The following SHE variants were observed in gnomAD, a reference collection of about 807,000 sequenced individuals.
SHE encodes Src homology 2 domain containing E.
In SHE, 11 loss-of-function variants were observed where a neutral mutation model predicts 49.8. The observed-to-expected ratio is 0.22, with a 90% CI of 0.14 to 0.37. The LOEUF is 0.37. Among genes scored for constraint, SHE ranks in the 10% least tolerant of loss-of-function variants. The pLI is 1.00. For synonymous variants in SHE, 310 were observed against 278.1 expected, an observed-to-expected ratio of 1.11 and a Z score of -1.14; for missense variants, 624 against 655.5, an observed-to-expected ratio of 0.95 and a Z score of 0.52.
chr1:154,482,896 G>T lies in SHE; in HGVS notation c.*1253C>A. ...CCCAGTTCATATAATCAGATCTTAG[G>T]GTTGCATTTTTAAAAAATTTACTAC... On this transcript the variant is annotated 3_prime_UTR_variant, in exon 6 of 6. Transcript: ENST00000304760. 1 of 985,022 alleles carries T rather than the reference G, an allele frequency of 1.0e-6. No individual in the cohort carries two copies. The highest frequency in any genetic ancestry group is 4.7e-5 in the South Asian group (1 of 21,272). The allele number at this position is 985,022 out of a possible 1,614,324, so 61.0% of individuals were successfully genotyped here. A position where few individuals can be genotyped will look rare whatever the true frequency, so the allele number is the denominator to read the frequency against.
chr1:154,470,668 C>T (rs1261618788), intron 1 of SHE, among the ~76,000 whole-genome samples: 2 of 151,924 alleles, frequency 1.3e-5, no homozygotes, highest in East Asian at 1.9e-4. Flanking sequence ...GGCAAAACCC[C>T]GTCTCTACTA....
chr1:154,475,758 G>T (rs1275007854), downstream of SHE, among the ~76,000 whole-genome samples: 1 of 152,112 alleles, frequency 6.6e-6, no homozygotes, highest in Non-Finnish European at 1.5e-5. Flanking sequence ...GCTGGGTGAT[G>T]GGACAGGGTG....
At chr1:154,474,066 C>T (rs1691817707) in intron 1 of SHE, among the ~76,000 whole-genome samples, 1 of 152,248 alleles carries the variant, frequency 6.6e-6, no homozygotes, top group African/African-American at 2.4e-5. Context: ...CGGCCCCCAG[C>T]CACTGGTGAC....
At chr1:154,478,918 A>C (rs1206926416), downstream of SHE, among the ~76,000 whole-genome samples, 2 of 152,160 alleles carry the variant, frequency 1.3e-5, no homozygotes, top group African/African-American at 4.8e-5. Context: ...CCATGTTAGG[A>C]ATTTTGGAGG....
chr1:154,470,052 C>T (rs1691705243), exon 2 of SHE: 1 of 331,852 alleles, frequency 3.0e-6, no homozygotes, highest in Admixed American at 4.0e-5. Flanking sequence ...CAAAGCTGGA[C>T]TGAGAGGCGC....
chr1:154,481,895 G>A lies in SHE; in HGVS notation c.*2254C>T, dbSNP rs1692027895. On this transcript the variant is annotated 3_prime_UTR_variant, in exon 6 of 6. Transcript: ENST00000304760. ...GACAGGGTCTCACTCTGTCACTCAG[G>A]CTGGAGTGCAATGGTGCGATCATGG... 1.4e-6 allele frequency: 1 copy of A among 712,868 alleles called. No individual in the cohort carries two copies. Among genetic ancestry groups the A allele is most frequent in the African/African-American group, 1.9e-5 (1 of 51,842 alleles). 44.2% of individuals were successfully genotyped at this position (712,868 alleles called of 1,614,324 possible).
chr1:154,473,272 T>C (rs1378221376), intron 1 of SHE, among the ~76,000 whole-genome samples: 1 of 151,924 alleles, frequency 6.6e-6, no homozygotes, highest in Non-Finnish European at 1.5e-5. Context: ...AGTGCTGGGA[T>C]TACAGGTGTG....
In SHE at chr1:154,502,140, G is replaced by C. The variant is rs935771331; in HGVS notation, c.-114C>G. The C allele has an allele frequency of 4.7e-6, 4 of 854,180 alleles. No individual in the cohort carries two copies. Among genetic ancestry groups the C allele is most frequent in the Non-Finnish European group, 4.5e-6 (3 of 659,576 alleles). 52.9% of individuals were successfully genotyped at this position (854,180 alleles called of 1,614,324 possible). ...GGGTGGGGTTCTCACGGCTCGGGGC[G>C]CCGAGCGGGCGGGCGCTAGCCTCTG... On this transcript the variant is annotated 5_prime_UTR_variant, in exon 1 of 6. Coordinates refer to ENST00000304760, the MANE Select transcript of SHE (RefSeq NM_001010846.3).
intron 3 of SHE, among the ~76,000 whole-genome samples, chr1:154,488,576 T>C (rs1005581121): frequency 3.3e-5 from 5 of 150,980 alleles, no homozygotes; most frequent in African/African-American, 1.2e-4. Context: ...CTTTTATTTA[T>C]TTATGTATTT....
downstream of SHE, among the ~76,000 whole-genome samples, chr1:154,477,836 A>T (rs1198167670): frequency 3.4e-5 from 5 of 144,942 alleles, no homozygotes; most frequent in African/African-American, 1.3e-4. Flanking sequence ...GGTTGCAGTG[A>T]GTTGAGATTG....
At chr1:154,496,086 T>C (rs1692520632) in intron 2 of SHE, among the ~76,000 whole-genome samples, 1 of 152,218 alleles carries the variant, frequency 6.6e-6, no homozygotes, top group Non-Finnish European at 1.5e-5. Flanking sequence ...GCAAATCTTT[T>C]ATTTCTAGCT....
At chr1:154,475,911 G>C (rs1422266367), downstream of SHE, among the ~76,000 whole-genome samples, 1 of 151,522 alleles carries the variant, frequency 6.6e-6, no homozygotes, top group South Asian at 2.1e-4. Flanking sequence ...ATCTGCCTGC[G>C]TTGGCCTCCC....
intron 4 of SHE, 73 bp from the exon 5 acceptor site, chr1:154,486,135 A>G (rs1692169392): frequency 1.2e-5 from 19 of 1,573,090 alleles, no homozygotes; most frequent in Admixed American, 1.7e-5. Flanking sequence ...GCATTGCTCC[A>G]TAAAGCGTTG....
At chr1:154,498,014 A>G (rs1692589138) in intron 2 of SHE, among the ~76,000 whole-genome samples, 1 of 151,944 alleles carries the variant, frequency 6.6e-6, no homozygotes, top group African/African-American at 2.4e-5. Flanking sequence ...CTTAGTAATT[A>G]AATTCTTGGC....
At chr1:154,491,662 A>G (rs768035213) in intron 2 of SHE, among the ~76,000 whole-genome samples, 8 of 152,214 alleles carry the variant, frequency 5.3e-5, no homozygotes, top group Non-Finnish European at 1.2e-4. Context: ...TGTAGGACAT[A>G]TCATTGTGCT....
rs1692067870 is a variant in SHE at position 154,483,169 on chromosome 1, G to T, written c.*980C>A. 3.0e-6 allele frequency: 3 copies of T among 985,086 alleles called. No homozygotes were observed. The South Asian group carries it at 1.4e-4, about 46-fold the overall frequency. 61.0% of individuals were successfully genotyped at this position (985,086 alleles called of 1,614,324 possible). A position where few individuals can be genotyped will look rare whatever the true frequency, so the allele number is the denominator to read the frequency against. The stretch of plus-strand genomic sequence containing the variant: ...ATGATATTGGTGATTCTTAAACCTG[G>T]GGTATCTTCCTTCCTATTTATGCTT... On this transcript the variant is annotated 3_prime_UTR_variant, in exon 6 of 6. Coordinates refer to ENST00000304760, the MANE Select transcript of SHE (RefSeq NM_001010846.3).
Position 154,501,559 on chromosome 1 carries a change from G to C in SHE, c.468C>G (p.Asn156Lys). Residue 156 changes from asparagine (N) to lysine (K), a missense_variant, in exon 1 of 6, where the codon AAC becomes AAG. Physicochemically the swap from Asn to Lys is moderately conservative, Grantham distance 94. Coordinates refer to ENST00000304760, the MANE Select transcript of SHE (RefSeq NM_001010846.3). ...TGCTGCTGGGGTAGTTGCTCTTCCC[G>C]TTCTTCTCCTGAGTGTCCACCTTGA... ...RLIKVDTQEK[N>K]GKSNYPSSSS... is the part of the protein sequence containing the mutation. The C allele has an allele frequency of 6.2e-7, 1 of 1,614,032 alleles. No homozygotes were observed. Among genetic ancestry groups the C allele is most frequent in the African/African-American group, 1.3e-5 (1 of 75,060 alleles).
At chr1:154,487,270 C>CAA (rs200850658) in intron 3 of SHE, among the ~76,000 whole-genome samples, 72 of 87,358 alleles carry the variant, frequency 8.2e-4, no homozygotes, top group Middle Eastern at 7.1e-3. Context: ...GACTCCGTCT[C>CAA]AAAAAAAAAA....
At position 154,486,004 on chromosome 1, in the gene SHE, C is replaced by CT. The variant is rs1307645675; in HGVS notation, c.1239dup (p.Glu414ArgfsTer9). On this transcript the variant is annotated frameshift_variant, in exon 5 of 6. Transcript: ENST00000304760. LOFTEE classifies it high-confidence loss of function. The stretch of plus-strand genomic sequence containing the variant: ...CTATTTCGAACCAGGTAACCAGCTT[C>CT]TTTGCAGGGCTGTAGTCGACTCTCA... The CT allele has an allele frequency of 1.2e-6, 2 of 1,614,042 alleles. No individual in the cohort carries two copies. The highest frequency in any genetic ancestry group is 2.7e-5 in the African/African-American group (2 of 74,926).
Sources: gnomAD v4.1 joint callset for allele counts (sites outside exome capture counted in the v4.1 genomes callset) on GRCh38, gnomAD v4.1.1 for gene constraint, MANE v1.5 for transcripts, NCBI Gene and HGNC (gene_info 2026-07-23, HGNC 2026-07-21) for gene names.